LAMA4: variants seen among roughly 807,000 people sequenced by gnomAD.
The protein encoded by LAMA4 is laminin subunit alpha 4.
LAMA4 carries 127 observed loss-of-function variants against 207.1 expected under a neutral mutation model. The ratio of observed to expected loss-of-function variants is 0.61; its 90% confidence interval spans 0.53 to 0.71. LAMA4 has a LOEUF of 0.71. Ranked by LOEUF, LAMA4 falls within the 30% of genes least tolerant of loss-of-function variation. The pLI, the probability that LAMA4 is intolerant of heterozygous loss-of-function variation, is 0.00. For synonymous variants in LAMA4, 761 were observed against 816.0 expected (o/e 0.93, Z 1.15); for missense variants, 2,093 against 2,246.5 (o/e 0.93, Z 1.38).
At chr6:112,238,329 C>T (rs1786085761) in intron 2 of LAMA4, among the ~76,000 whole-genome samples, 2 of 152,286 alleles carry the variant, frequency 1.3e-5, no homozygotes, top group Middle Eastern at 3.4e-3. Flanking sequence ...GATATTGATA[C>T]TGATCAATCG....
chr6:112,240,765 C>A (rs1786361289), intron 2 of LAMA4, among the ~76,000 whole-genome samples: 1 of 151,976 alleles, frequency 6.6e-6, no homozygotes, highest in Non-Finnish European at 1.5e-5. Context: ...TGTATATGTA[C>A]CACATTTTCT....
At position 112,254,217 on chromosome 6, in the gene LAMA4, C is replaced by A; in HGVS notation, c.-67G>T. On this transcript the variant is annotated 5_prime_UTR_variant, in exon 2 of 39. Coordinates refer to ENST00000230538, the MANE Select transcript of LAMA4 (RefSeq NM_001105206.3). ...GCTGTGGGTCTCCGTAGGTCTCCCGCGTGGTGCGGCGGTGCCTCGCTTATT... is the reference window on the plus strand; with the variant it reads ...GCTGTGGGTCTCCGTAGGTCTCCCGAGTGGTGCGGCGGTGCCTCGCTTATT... 62 of 1,600,718 alleles carry A rather than the reference C, an allele frequency of 3.9e-5. No homozygotes were observed. Among genetic ancestry groups the A allele is most frequent in the Non-Finnish European group, 5.3e-5 (62 of 1,173,448 alleles).
Position 112,109,362 on chromosome 6 carries a change from G to A in LAMA4, c.*75C>T. The A allele has an allele frequency of 6.5e-7, 1 of 1,529,020 alleles. No homozygotes were observed. The highest frequency in any genetic ancestry group is 1.7e-5 in the Admixed American group (1 of 58,412). The allele number at this position is 1,529,020 out of a possible 1,614,324, so 94.7% of individuals were successfully genotyped here. A position where few individuals can be genotyped will look rare whatever the true frequency, so the allele number is the denominator to read the frequency against. ...GCTTCCACCCGAAGGAAGAGTTACT[G>A]TTCCTCCTGGCTGGCTTTGTGTTTC... On this transcript the variant is annotated 3_prime_UTR_variant, in exon 39 of 39. Coordinates refer to ENST00000230538, the MANE Select transcript of LAMA4 (RefSeq NM_001105206.3).
chr6:112,144,783 T>C lies in LAMA4; in HGVS notation c.2493+11A>G. 6.2e-7 allele frequency: 1 copy of C among 1,612,786 alleles called. No homozygotes were observed. Among genetic ancestry groups the C allele is most frequent in the South Asian group, 1.1e-5 (1 of 91,046 alleles). ...ACCGCTGACTGACTGATGAGTCTTT[T>C]CATCAGTTACCTTGCTGGCAACACT... On this transcript the variant is annotated intron_variant, in intron 19 of 38. Transcript: ENST00000230538.
intron 3 of LAMA4, among the ~76,000 whole-genome samples, chr6:112,212,561 A>G (rs1325664559): frequency 3.3e-5 from 5 of 152,166 alleles, no homozygotes; most frequent in Non-Finnish European, 5.9e-5. Flanking sequence ...GGCACACAGC[A>G]ACAGGGGACT....
chr6:112,190,126 A>G (rs1266501794), intron 6 of LAMA4, among the ~76,000 whole-genome samples: 1 of 152,222 alleles, frequency 6.6e-6, no homozygotes, highest in African/African-American at 2.4e-5. Flanking sequence ...TTTCAGCAAG[A>G]TCATGCTTTA....
In LAMA4 at chr6:112,251,294, T is replaced by A. The variant is rs566815108; in HGVS notation, c.195+2662A>T. On this transcript the variant is annotated intron_variant, in intron 2 of 38. Coordinates refer to ENST00000230538, the MANE Select transcript of LAMA4 (RefSeq NM_001105206.3). ...TCATGTATTTGTTCCCCAGCTCACA[T>A]GGAGCAATACAGCATGCCAGAGTTT... The A allele has an allele frequency of 2.0e-5, 3 of 152,324 alleles. No homozygotes were observed. The South Asian group carries it at 6.2e-4, about 32-fold the overall frequency. The allele number at this position is 152,324 out of a possible 1,614,324, so 9.4% of individuals were successfully genotyped here.
At chr6:112,150,139 T>A (rs1223150184) in intron 17 of LAMA4, among the ~76,000 whole-genome samples, 1 of 151,712 alleles carries the variant, frequency 6.6e-6, no homozygotes, top group Admixed American at 6.6e-5. Context: ...CATATTGTTA[T>A]GAGGAAGGAT....
chr6:112,188,919 T>C (rs1160814197), intron 7 of LAMA4, 191 bp downstream of exon 7: 1 of 591,006 alleles, frequency 1.7e-6, no homozygotes, highest in African/African-American at 1.9e-5. Context: ...AAACCACCCA[T>C]TTGCCCTAGG....
Position 112,162,876 on chromosome 6 carries a change from G to C in LAMA4, c.1668+2284C>G, listed in dbSNP as rs543557395. The stretch of plus-strand genomic sequence containing the variant: ...TGAGATCAGCTAGGGAGAGAGTATA[G>C]GTAGAAAAGAAGGCCTAGGACCAAG... On this transcript the variant is annotated intron_variant, in intron 13 of 38. Coordinates refer to ENST00000230538, the MANE Select transcript of LAMA4 (RefSeq NM_001105206.3). Among the ~76,000 whole-genome samples the C allele has an allele frequency of 2.7e-3, 412 of 151,902 alleles. 3 individuals carry two copies. Among genetic ancestry groups the C allele is most frequent in the Non-Finnish European group, 5.0e-3 (343 of 67,946 alleles).
chr6:112,178,427 A>T lies in LAMA4; in HGVS notation c.1078-195T>A, dbSNP rs73766949. On this transcript the variant is annotated intron_variant, in intron 9 of 38. Coordinates refer to ENST00000230538, the MANE Select transcript of LAMA4 (RefSeq NM_001105206.3). ...TGATGGCCAGTTTTACTTTTAAAAA[A>T]TTTTTTAATTTTTCCGTAAGTTATT... The T allele has an allele frequency of 0.022, 12,472 of 574,202 alleles. 485 individuals carry two copies. Among genetic ancestry groups the T allele is most frequent in the African/African-American group, 0.12 (6,544 of 53,064 alleles). 35.6% of individuals were successfully genotyped at this position (574,202 alleles called of 1,614,324 possible). A position where few individuals can be genotyped will look rare whatever the true frequency, so the allele number is the denominator to read the frequency against.
chr6:112,110,763 A>C (rs1279329892), intron 38 of LAMA4, among the ~76,000 whole-genome samples: 4 of 152,210 alleles, frequency 2.6e-5, no homozygotes, highest in Admixed American at 6.5e-5. Flanking sequence ...GATTCTGCCC[A>C]AGCTTACCAT....
intron 3 of LAMA4, among the ~76,000 whole-genome samples, chr6:112,208,102 A>AT (rs1300145697): frequency 1.3e-5 from 2 of 152,132 alleles, no homozygotes; most frequent in South Asian, 2.1e-4. Flanking sequence ...CATTAGCTCT[A>AT]TTTTTTTCAT....
In LAMA4 at chr6:112,139,218, C is replaced by T. The variant is rs1046659524; in HGVS notation, c.3184G>A (p.Asp1062Asn). ...CCAAATTTCCCTCTCCTTGTGATGT[C>T]TCTCACCACGGCATAACCGGAGCCA... ...FDGSGYAVVR[D>N]ITRRGKFGQV... is the part of the protein sequence containing the mutation. The change falls in exon 24 of 39, where the codon GAC becomes AAC. Residue 1062 changes from aspartate to asparagine, a missense_variant. This residue lies in a region of LAMA4 where 1,704 missense variants were observed against 1,788.4 expected (regional missense o/e 0.95). Coordinates refer to ENST00000230538, the MANE Select transcript of LAMA4 (RefSeq NM_001105206.3). 6.2e-7 allele frequency: 1 copy of T among 1,614,172 alleles called. No individual in the cohort carries two copies.
rs539544912 is a variant in LAMA4, at chr6:112,198,306, A to C, written c.503+3302T>G. On this transcript the variant is annotated intron_variant, in intron 5 of 38. Transcript: ENST00000230538. ...TTGACTCAATGATCTCTAAAGTGCA[A>C]AAAGACCTAGCAGGTTCTTGGTTTG... Among the ~76,000 whole-genome samples the C allele has an allele frequency of 5.6e-4, 85 of 152,334 alleles. 3 individuals carry two copies. In the South Asian group the frequency reaches 0.014, roughly 26 times the overall value.
At chr6:112,140,994 A>C in intron 21 of LAMA4, 72 bp from the exon 22 acceptor site, 1 of 1,336,618 alleles carries the variant, frequency 7.5e-7, no homozygotes. Flanking sequence ...TCAAAATGTT[A>C]ATGCTCCCTC....
intron 13 of LAMA4, 28 bp from the exon 14 acceptor site, chr6:112,158,908 T>A (rs1780886278): frequency 6.7e-7 from 1 of 1,482,530 alleles, no homozygotes; most frequent in Non-Finnish European, 9.4e-7. Flanking sequence ...AATAAATACA[T>A]TGAATTTAGA....
At chr6:112,169,703 G>A (rs1352413888) in intron 12 of LAMA4, among the ~76,000 whole-genome samples, 1 of 152,168 alleles carries the variant, frequency 6.6e-6, no homozygotes, top group Non-Finnish European at 1.5e-5. Flanking sequence ...CAGTAGAAGG[G>A]TTTGTTTGGT....
At chr6:112,121,565 G>A (rs782291947) in intron 32 of LAMA4, among the ~76,000 whole-genome samples, 1 of 152,172 alleles carries the variant, frequency 6.6e-6, no homozygotes, top group Non-Finnish European at 1.5e-5. Context: ...GGAAAGAGGC[G>A]ATGGGGTTGG....
Sources: gnomAD v4.1 joint callset for allele counts (sites outside exome capture counted in the v4.1 genomes callset) on GRCh38, gnomAD v4.1.1 for gene constraint, gnomAD v4.1.1 regional missense constraint, MANE v1.5 for transcripts, NCBI Gene and HGNC (gene_info 2026-07-23, HGNC 2026-07-21) for gene names.